PID1: variants seen among roughly 807,000 people sequenced by gnomAD.
PID1 encodes the protein phosphotyrosine interaction domain containing 1.
PID1 carries 10 observed loss-of-function variants against 19.1 expected under a neutral mutation model. The ratio of observed to expected loss-of-function variants is 0.52; its 90% CI spans 0.32 to 0.89. PID1 has a LOEUF of 0.89. Ranked by LOEUF, PID1 falls within the 40% of genes least tolerant of loss-of-function variation. The probability of loss-of-function intolerance (pLI) is 0.03; values close to 1 mark genes in which losing one functional copy is unlikely to be tolerated. For missense variants in PID1, 248 were observed against 285.3 expected, an observed-to-expected ratio of 0.87 and a Z score of 0.94; for synonymous variants, 130 against 116.0, an observed-to-expected ratio of 1.12 and a Z score of -0.78.
At chr2:229,251,757 T>C (rs1284736586) in intron 1 of PID1, among the ~76,000 whole-genome samples, 1 of 152,090 alleles carries the variant, frequency 6.6e-6, no homozygotes, top group Non-Finnish European at 1.5e-5. Context: ...TTCCTTAAAT[T>C]AGCAGAAGCA....
Position 229,168,483 on chromosome 2 carries a change from C to T in PID1, c.31-12519G>A, listed in dbSNP as rs544957687. 1.4e-4 allele frequency among the ~76,000 whole-genome samples: 21 copies of T among 152,202 alleles called. 2 individuals carry two copies. The highest frequency in any genetic ancestry group is 1.2e-3 in the East Asian group (6 of 5,172). ...TTAAAGGCCTTCTTCATCCCTTTTACTTTGTTGTCATTGTTTCTGCTATTG... is the reference window on the plus strand; with the variant it reads ...TTAAAGGCCTTCTTCATCCCTTTTATTTTGTTGTCATTGTTTCTGCTATTG... On this transcript the variant is annotated intron_variant, in intron 1 of 2. Transcript: ENST00000392055.
chr2:229,201,842 C>G (rs1691504923), intron 1 of PID1, among the ~76,000 whole-genome samples: 4 of 151,984 alleles, frequency 2.6e-5, no homozygotes. Flanking sequence ...TAGTATCTCA[C>G]TAAAGTTTTT....
chr2:229,138,096 G>T (rs995252260), intron 2 of PID1, among the ~76,000 whole-genome samples: 1 of 152,264 alleles, frequency 6.6e-6, no homozygotes, highest in South Asian at 2.1e-4. Flanking sequence ...AGGCAAACAA[G>T]TTCCTGGATC....
chr2:229,030,861 G>T lies in PID1; in HGVS notation c.178-4753C>A, dbSNP rs1693533662. ...GAGATGAGTGGAGCACAGATGTGTAGCTTATATGAGATTATATAAATTCGA... is the reference window on the plus strand; with the variant it reads ...GAGATGAGTGGAGCACAGATGTGTATCTTATATGAGATTATATAAATTCGA... On this transcript the variant is annotated intron_variant, in intron 2 of 2. Transcript: ENST00000392055. Among the ~76,000 whole-genome samples, 4 of 152,074 alleles carry T rather than the reference G, an allele frequency of 2.6e-5. No homozygotes were observed. The South Asian group carries it at 8.3e-4, about 32-fold the overall frequency.
intron 1 of PID1, among the ~76,000 whole-genome samples, chr2:229,232,738 T>A (rs1210282264): frequency 6.7e-6 from 1 of 148,428 alleles, no homozygotes; most frequent in Non-Finnish European, 1.5e-5. Context: ...TTGTTGTTAA[T>A]AATGTTTGTT....
intron 2 of PID1, among the ~76,000 whole-genome samples, chr2:229,052,344 C>T (rs1012129477): frequency 7.2e-5 from 11 of 152,202 alleles, no homozygotes; most frequent in Non-Finnish European, 1.5e-4. Context: ...AAATAAATTT[C>T]AGACTTCTTT....
At chr2:229,083,498 T>C (rs1559225403) in intron 2 of PID1, among the ~76,000 whole-genome samples, 1 of 152,304 alleles carries the variant, frequency 6.6e-6, no homozygotes, top group East Asian at 1.9e-4. Flanking sequence ...AACACTAGTA[T>C]GACACTAAAG....
At chr2:229,125,618 T>G (rs1016782075) in intron 2 of PID1, among the ~76,000 whole-genome samples, 3 of 152,160 alleles carry the variant, frequency 2.0e-5, no homozygotes, top group African/African-American at 7.2e-5. Context: ...AATGTCTTCC[T>G]CCCTCCTTGT....
intron 2 of PID1, among the ~76,000 whole-genome samples, chr2:229,098,936 C>T (rs1574627078): frequency 6.6e-6 from 1 of 152,152 alleles, no homozygotes; most frequent in Non-Finnish European, 1.5e-5. Context: ...TGGCTTTCTT[C>T]TCTACCACGC....
rs1040957709 is a variant in PID1, at chr2:229,173,387, A to C, written c.31-17423T>G. Among the ~76,000 whole-genome samples, 9 of 152,278 alleles carry C rather than the reference A, an allele frequency of 5.9e-5. No individual in the cohort carries two copies. The East Asian group carries it at 1.7e-3, about 29-fold the overall frequency. ...TGTTTTCTAAGAGTCATGAAGGCAA[A>C]CAGCACTTGACATCTGTCAAGTTCC... On this transcript the variant is annotated intron_variant, in intron 1 of 2. Transcript: ENST00000392055.
chr2:229,262,066 T>C (rs1690474522), intron 1 of PID1, among the ~76,000 whole-genome samples: 1 of 152,202 alleles, frequency 6.6e-6, no homozygotes, highest in South Asian at 2.1e-4. Flanking sequence ...TATACTTCTT[T>C]GTCAGCTTAC....
At chr2:229,258,260 C>T (rs903527255) in intron 1 of PID1, among the ~76,000 whole-genome samples, 1 of 152,192 alleles carries the variant, frequency 6.6e-6, no homozygotes, top group African/African-American at 2.4e-5. Flanking sequence ...GTGAACTTTC[C>T]ACCCTTTGGT....
chr2:229,102,620 G>A (rs1281228289), intron 2 of PID1, among the ~76,000 whole-genome samples: 1 of 152,236 alleles, frequency 6.6e-6, no homozygotes, highest in Non-Finnish European at 1.5e-5. Context: ...ACTTGGCAGG[G>A]AGATGTTTGT....
chr2:229,159,782 A>G (rs1690454999), intron 1 of PID1, among the ~76,000 whole-genome samples: 1 of 152,178 alleles, frequency 6.6e-6, no homozygotes, highest in African/African-American at 2.4e-5. Flanking sequence ...GAATTTAAAA[A>G]AGAAAAGTAA....
chr2:229,239,629 AT>A (rs777399208), intron 1 of PID1, among the ~76,000 whole-genome samples: 8 of 152,112 alleles, frequency 5.3e-5, no homozygotes, highest in Non-Finnish European at 1.2e-4. Flanking sequence ...TTAAATGATG[AT>A]CTCTTAAGCT....
chr2:229,097,560 C>T (rs994621094), intron 2 of PID1, among the ~76,000 whole-genome samples: 14 of 152,100 alleles, frequency 9.2e-5, no homozygotes, highest in Non-Finnish European at 1.5e-4. Flanking sequence ...TGTATAAATT[C>T]ATTCAGTTGA....
chr2:229,224,694 T>C (rs1282619689), intron 1 of PID1, among the ~76,000 whole-genome samples: 1 of 152,150 alleles, frequency 6.6e-6, no homozygotes. Context: ...ATATTAGTAC[T>C]CCACCAGAAT....
At chr2:229,080,758 T>C (rs1047741817) in intron 2 of PID1, among the ~76,000 whole-genome samples, 3 of 152,156 alleles carry the variant, frequency 2.0e-5, no homozygotes, top group Non-Finnish European at 4.4e-5. Context: ...CAAATCAAAA[T>C]GCAGTCACAT....
intron 2 of PID1, among the ~76,000 whole-genome samples, chr2:229,125,699 G>A (rs896324751): frequency 3.9e-5 from 6 of 152,156 alleles, no homozygotes; most frequent in African/African-American, 1.4e-4. Context: ...AGGATACACG[G>A]TTTTGCTGAA....
Sources: gnomAD v4.1 joint callset for allele counts (sites outside exome capture counted in the v4.1 genomes callset) on GRCh38, gnomAD v4.1.1 for gene constraint, MANE v1.5 for transcripts, NCBI Gene and HGNC (gene_info 2026-07-23, HGNC 2026-07-21) for gene names.